Variants in MACROD2 observed in about 807,000 individuals in gnomAD.
The protein encoded by MACROD2 is ADP-ribose glycohydrolase MACROD2.
A neutral mutation model predicts 70.4 loss-of-function variants in MACROD2; 36 were observed. The observed-to-expected ratio is 0.51, with a 90% CI of 0.39 to 0.68. The LOEUF is 0.68. Ranked by LOEUF, MACROD2 falls within the 30% of genes least tolerant of loss-of-function variation. The pLI, the probability that MACROD2 is intolerant of heterozygous loss-of-function variation, is 0.00. For missense variants in MACROD2, 496 were observed against 538.4 expected (o/e 0.92, Z 0.78); for synonymous variants, 172 against 178.8 (o/e 0.96, Z 0.30).
chr20:14,490,419 A>G (rs2084781458), intron 3 of MACROD2, among the ~76,000 whole-genome samples: 1 of 152,196 alleles, frequency 6.6e-6, no homozygotes, highest in Non-Finnish European at 1.5e-5. Flanking sequence ...AAAAAGTGCA[A>G]TACACAGATT....
At chr20:14,811,932 A>G (rs78068947) in intron 5 of MACROD2, among the ~76,000 whole-genome samples, 2 of 152,160 alleles carry the variant, frequency 1.3e-5, no homozygotes, top group African/African-American at 4.8e-5. Flanking sequence ...GAAACAACAG[A>G]TGCTGGAGAG....
chr20:15,438,197 G>A (rs901261992), intron 7 of MACROD2, among the ~76,000 whole-genome samples: 6 of 151,960 alleles, frequency 3.9e-5, no homozygotes, highest in African/African-American at 1.5e-4. Context: ...TATATAACTA[G>A]TAATAGAATT....
At chr20:15,876,403 G>A (rs2064674489) in intron 9 of MACROD2, among the ~76,000 whole-genome samples, 1 of 151,908 alleles carries the variant, frequency 6.6e-6, no homozygotes, top group South Asian at 2.1e-4. Flanking sequence ...TGAGAATGAT[G>A]GTTTCCAGCT....
intron 2 of MACROD2, among the ~76,000 whole-genome samples, chr20:14,048,092 C>T (rs1601157036): frequency 6.6e-6 from 1 of 151,454 alleles, no homozygotes; most frequent in Non-Finnish European, 1.5e-5. Flanking sequence ...TGTTAACGAA[C>T]ACCATGGATT....
intron 8 of MACROD2, among the ~76,000 whole-genome samples, chr20:15,555,631 A>G (rs1451832683): frequency 6.6e-6 from 1 of 152,024 alleles, no homozygotes; most frequent in Non-Finnish European, 1.5e-5. Context: ...TATCTAAAAA[A>G]TGACATTAGA....
At chr20:15,361,619 T>C (rs1468538305) in intron 6 of MACROD2, among the ~76,000 whole-genome samples, 2 of 152,234 alleles carry the variant, frequency 1.3e-5, no homozygotes, top group Non-Finnish European at 2.9e-5. Flanking sequence ...TTATTGGAAT[T>C]GTGTTAAACT....
At chr20:15,199,717 AGTTT>A (rs565102825) in intron 5 of MACROD2, among the ~76,000 whole-genome samples, 71 of 152,296 alleles carry the variant, frequency 4.7e-4, no homozygotes, top group African/African-American at 1.5e-3. Flanking sequence ...AATATTTTCC[AGTTT>A]GTTCATGCTG....
intron 8 of MACROD2, among the ~76,000 whole-genome samples, chr20:15,603,526 A>G (rs976357172): frequency 5.3e-5 from 8 of 150,846 alleles, no homozygotes; most frequent in Admixed American, 2.6e-4. Flanking sequence ...AAAAAAAGAT[A>G]TAAGGGAAAT....
intron 6 of MACROD2, among the ~76,000 whole-genome samples, chr20:15,359,238 T>C (rs2078324358): frequency 1.3e-5 from 2 of 152,164 alleles, no homozygotes; most frequent in Non-Finnish European, 2.9e-5. Context: ...ATTTACTTGC[T>C]GACTCATTCA....
chr20:15,590,206 T>A (rs1053180997), intron 8 of MACROD2, among the ~76,000 whole-genome samples: 3 of 152,218 alleles, frequency 2.0e-5, no homozygotes, highest in Non-Finnish European at 4.4e-5. Context: ...TTACACCTAG[T>A]GTTGTGGAGA....
chr20:15,384,604 C>A (rs567146146), intron 6 of MACROD2, among the ~76,000 whole-genome samples: 1 of 152,214 alleles, frequency 6.6e-6, no homozygotes, highest in Non-Finnish European at 1.5e-5. Flanking sequence ...TTCTTGTAAC[C>A]AATAAACATT....
At chr20:15,156,588 A>G (rs1163914494) in intron 5 of MACROD2, among the ~76,000 whole-genome samples, 14 of 152,216 alleles carry the variant, frequency 9.2e-5, no homozygotes, top group Admixed American at 8.5e-4. Flanking sequence ...ATCCCTTTCT[A>G]CCAGATCTCC....
chr20:15,172,936 G>A (rs2076433599), intron 5 of MACROD2, among the ~76,000 whole-genome samples: 1 of 152,126 alleles, frequency 6.6e-6, no homozygotes, highest in Non-Finnish European at 1.5e-5. Context: ...TGCATGTTAT[G>A]AATAAGTTTG....
intron 5 of MACROD2, among the ~76,000 whole-genome samples, chr20:14,983,349 G>C (rs1190677645): frequency 6.6e-6 from 1 of 152,144 alleles, no homozygotes; most frequent in African/African-American, 2.4e-5. Context: ...TTGGGGGAGT[G>C]TAGGGAAGGC....
chr20:15,198,865 G>C (rs2076630127), intron 5 of MACROD2, among the ~76,000 whole-genome samples: 1 of 152,144 alleles, frequency 6.6e-6, no homozygotes, highest in Non-Finnish European at 1.5e-5. Context: ...CAGTGCTTAT[G>C]TGTGCTTATC....
rs543737001 is a variant in MACROD2 at position 14,004,133 on chromosome 20, C to T, written c.163+1729C>T. Among the ~76,000 whole-genome samples, 6 of 152,288 alleles carry T rather than the reference C, an allele frequency of 3.9e-5. No individual in the cohort carries two copies. In the South Asian group the frequency reaches 1.2e-3, roughly 32 times the overall value. On this transcript the variant is annotated intron_variant, in intron 2 of 17. Transcript: ENST00000684519. ...ATCCAAAATGTTCCAGTGAGCATTT[C>T]CTTTGAGCATTATGTTGGTGCTCAA...
At chr20:15,703,212 C>G (rs1278136718) in intron 8 of MACROD2, among the ~76,000 whole-genome samples, 1 of 152,160 alleles carries the variant, frequency 6.6e-6, no homozygotes. Flanking sequence ...TAGGAGATAC[C>G]CTTCTTGACA....
intron 6 of MACROD2, among the ~76,000 whole-genome samples, chr20:15,394,577 G>A (rs762356694): frequency 4.7e-4 from 71 of 152,282 alleles, no homozygotes; most frequent in Non-Finnish European, 1.0e-4. Context: ...CATCACTTGA[G>A]GTCACCCACC....
At chr20:14,147,123 A>G (rs1215864991) in intron 3 of MACROD2, among the ~76,000 whole-genome samples, 1 of 152,190 alleles carries the variant, frequency 6.6e-6, no homozygotes, top group Non-Finnish European at 1.5e-5. Flanking sequence ...GTAATGAGGT[A>G]GGTGCTTTCA....
Sources: gnomAD v4.1 joint callset for allele counts (sites outside exome capture counted in the v4.1 genomes callset) on GRCh38, gnomAD v4.1.1 for gene constraint, MANE v1.5 for transcripts, NCBI Gene and HGNC (gene_info 2026-07-23, HGNC 2026-07-21) for gene names.